LSMEM2: variants seen among roughly 807,000 people sequenced by gnomAD.
LSMEM2 encodes leucine rich single-pass membrane protein 2, also known as leucine-rich single-pass membrane protein 2.
In LSMEM2, 20 loss-of-function variants were observed where a neutral mutation model predicts 17.3. The observed-to-expected ratio is 1.16, with a 90% CI of 0.81 to 1.68. LSMEM2 has a LOEUF of 1.68. Among genes scored for constraint, LSMEM2 ranks in the 40% most tolerant of loss-of-function variants. The probability of loss-of-function intolerance (pLI) is 0.00; values close to 1 mark genes in which losing one functional copy is unlikely to be tolerated. For synonymous variants in LSMEM2, 94 were observed against 97.8 expected (o/e 0.96, Z 0.23); for missense variants, 207 against 214.3 (o/e 0.97, Z 0.21).
At chr3:50,279,036 G>C, upstream of LSMEM2, 2 of 1,506,308 alleles carry the variant, frequency 1.3e-6, no homozygotes, top group Non-Finnish European at 1.8e-6. Flanking sequence ...CCTATTTTAG[G>C]CCAAGGCTGG....
chr3:50,283,576 G>A (rs1273885742), intron 1 of LSMEM2, among the ~76,000 whole-genome samples: 4 of 146,848 alleles, frequency 2.7e-5, no homozygotes, highest in Non-Finnish European at 4.5e-5. Context: ...GCAGTGAGCC[G>A]AGATCGTGCC....
chr3:50,285,568 A>AG (rs1485438206), intron 1 of LSMEM2, among the ~76,000 whole-genome samples: 9 of 152,108 alleles, frequency 5.9e-5, no homozygotes, highest in African/African-American at 2.2e-4. Flanking sequence ...TGAACCCAGG[A>AG]GGTGGAAGGT....
chr3:50,288,112 G>A lies in LSMEM2; in HGVS notation c.*910G>A. On this transcript the variant is annotated 3_prime_UTR_variant, in exon 4 of 4. Transcript: ENST00000316436. ...AAAAAATAAAGTGACAAATACTGGT[G>A]GAGACCAGTTGTTGCACTGTCTTCT... 1 of 1,202,240 alleles carries A rather than the reference G, an allele frequency of 8.3e-7. No individual in the cohort carries two copies. Among genetic ancestry groups the A allele is most frequent in the Admixed American group, 1.9e-5 (1 of 51,606 alleles). The allele number at this position is 1,202,240 out of a possible 1,614,324, so 74.5% of individuals were successfully genotyped here. A position where few individuals can be genotyped will look rare whatever the true frequency, so the allele number is the denominator to read the frequency against.
At chr3:50,281,401 C>T (rs587683609) in intron 1 of LSMEM2, among the ~76,000 whole-genome samples, 2 of 132,946 alleles carry the variant, frequency 1.5e-5, no homozygotes, top group African/African-American at 5.7e-5. Context: ...CTTGCTCTGT[C>T]GCCCCGGGTG....
chr3:50,282,735 A>C (rs1553707926), intron 1 of LSMEM2, among the ~76,000 whole-genome samples: 3 of 152,116 alleles, frequency 2.0e-5, no homozygotes, highest in Non-Finnish European at 4.4e-5. Context: ...AAATGCAAAA[A>C]TTAGCTGGGC....
chr3:50,282,705 T>C (rs1701428827), intron 1 of LSMEM2, among the ~76,000 whole-genome samples: 1 of 150,678 alleles, frequency 6.6e-6, no homozygotes, highest in African/African-American at 2.5e-5. Flanking sequence ...GCCAAAATGG[T>C]GAAACCCCAG....
intron 1 of LSMEM2, among the ~76,000 whole-genome samples, chr3:50,282,339 T>G (rs1472989169): frequency 6.6e-6 from 1 of 152,178 alleles, no homozygotes; most frequent in African/African-American, 2.4e-5. Flanking sequence ...ACATAATGAC[T>G]GGCAGCACTT....
Position 50,287,294 on chromosome 3 carries a change from A to ACAT in LSMEM2, c.*94_*96dup. On this transcript the variant is annotated 3_prime_UTR_variant, in exon 4 of 4. Coordinates refer to ENST00000316436, the MANE Select transcript of LSMEM2 (RefSeq NM_153215.3). The stretch of plus-strand genomic sequence containing the variant: ...CTCTCCTTCCCTACTGCTGGCTGCC[A>ACAT]CATCTACACTATTTCCTTGGTGAGA... 1 of 1,501,076 alleles carries ACAT rather than the reference A, an allele frequency of 6.7e-7. No individual in the cohort carries two copies. The highest frequency in any genetic ancestry group is 9.2e-7 in the Non-Finnish European group (1 of 1,088,534). 93.0% of individuals were successfully genotyped at this position (1,501,076 alleles called of 1,614,324 possible).
Position 50,287,227 on chromosome 3 carries a change from G to A in LSMEM2, c.*25G>A, listed in dbSNP as rs1553708727. Reference sequence around the variant, plus strand: ...AGATGCCATTTGGATCTGGGGCCTGGGGGTGTGTGTTGGTGGGGGAATAAA... The same window carrying A: ...AGATGCCATTTGGATCTGGGGCCTGAGGGTGTGTGTTGGTGGGGGAATAAA... On this transcript the variant is annotated 3_prime_UTR_variant, in exon 4 of 4. Transcript: ENST00000316436. The A allele has an allele frequency of 5.0e-6, 8 of 1,613,456 alleles. No individual in the cohort carries two copies. Among genetic ancestry groups the A allele is most frequent in the Non-Finnish European group, 6.8e-6 (8 of 1,179,738 alleles).
Position 50,287,997 on chromosome 3 carries a change from A to G in LSMEM2, c.*795A>G, listed in dbSNP as rs1345461528. ...CTGAGACAGGACAGGAAGGGGCCAC[A>G]GGGCTGAGTGCAGGGACAAAGGGGT... On this transcript the variant is annotated 3_prime_UTR_variant, in exon 4 of 4. Coordinates refer to ENST00000316436, the MANE Select transcript of LSMEM2 (RefSeq NM_153215.3). 7 of 594,622 alleles carry G rather than the reference A, an allele frequency of 1.2e-5. No homozygotes were observed. Among genetic ancestry groups the G allele is most frequent in the African/African-American group, 1.9e-5 (1 of 53,846 alleles). The allele number at this position is 594,622 out of a possible 1,614,324, so 36.8% of individuals were successfully genotyped here.
Position 50,286,602 on chromosome 3 carries a change from G to A in LSMEM2, c.172+18G>A. 1 of 1,611,398 alleles carries A rather than the reference G, an allele frequency of 6.2e-7. No homozygotes were observed. Among genetic ancestry groups the A allele is most frequent in the Non-Finnish European group, 8.5e-7 (1 of 1,178,532 alleles). The stretch of plus-strand genomic sequence containing the variant: ...TAGTGGAGGTGAGTGGGGACAGTGG[G>A]GTGGATGATGTGCTGGGGGAGGGGA... On this transcript the variant is annotated intron_variant, in intron 2 of 3. Transcript: ENST00000316436.
chr3:50,281,508 G>A (rs1279189104), intron 1 of LSMEM2, among the ~76,000 whole-genome samples: 5 of 151,508 alleles, frequency 3.3e-5, no homozygotes, highest in African/African-American at 7.3e-5. Context: ...GACTACAGGC[G>A]CCTGCCACCA....
At position 50,287,187 on chromosome 3, in the gene LSMEM2, C is replaced by A. The variant is rs1559800213; in HGVS notation, c.480C>A (p.Ala160=). ...SQLRRLNSSE[A]QAPS ...TTCGGAGGCTCAACTCCAGTGAGGC[C>A]CAAGCACCCAGCTGAGATGCCATTT... The change falls in exon 4 of 4, where the codon GCC becomes GCA. Residue 160 remains alanine, a synonymous_variant. Transcript: ENST00000316436. 6.2e-7 allele frequency: 1 copy of A among 1,613,914 alleles called. No individual in the cohort carries two copies. Among genetic ancestry groups the A allele is most frequent in the Non-Finnish European group, 8.5e-7 (1 of 1,180,006 alleles).
intron 1 of LSMEM2, among the ~76,000 whole-genome samples, chr3:50,283,463 TA>T (rs1212000971): frequency 3.6e-4 from 54 of 151,400 alleles, no homozygotes; most frequent in Middle Eastern, 3.4e-3. Flanking sequence ...CCATCTCTAC[TA>T]AAAATACAAA....
intron 3 of LSMEM2, 51 bp from the exon 4 acceptor site, chr3:50,287,018 G>A (rs1375942053): frequency 2.5e-6 from 4 of 1,608,168 alleles, no homozygotes; most frequent in Non-Finnish European, 3.4e-6. Context: ...TGGGTCTGCA[G>A]GGGTCACGGG....
Position 50,287,293 on chromosome 3 carries a change from C to T in LSMEM2, c.*91C>T. 2 of 1,468,672 alleles carry T rather than the reference C, an allele frequency of 1.4e-6. No homozygotes were observed. Among genetic ancestry groups the T allele is most frequent in the Non-Finnish European group, 1.9e-6 (2 of 1,069,070 alleles). The allele number at this position is 1,468,672 out of a possible 1,614,324, so 91.0% of individuals were successfully genotyped here. A position where few individuals can be genotyped will look rare whatever the true frequency, so the allele number is the denominator to read the frequency against. On this transcript the variant is annotated 3_prime_UTR_variant, in exon 4 of 4. Transcript: ENST00000316436. ...TCTCTCCTTCCCTACTGCTGGCTGC[C>T]ACATCTACACTATTTCCTTGGTGAG... is the stretch of plus-strand genomic sequence containing the variant.
At chr3:50,278,149 A>C (rs1701318341), upstream of LSMEM2, among the ~76,000 whole-genome samples, 1 of 152,148 alleles carries the variant, frequency 6.6e-6, no homozygotes, top group South Asian at 2.1e-4. Flanking sequence ...ACTTTGAGGA[A>C]CATCAGGGAG....
In LSMEM2 at chr3:50,286,501, G is replaced by T. The variant is rs781955522; in HGVS notation, c.89G>T (p.Arg30Met). ...GTGGCGCCAATGATGCCCAGCCAGA[G>T]GAGCAGGGGGCCATTGGCCCCCAAC... ...DSVAPMMPSQ[R>M]SRGPLAPNHV... The change falls in exon 2 of 4, where the codon AGG (arginine) becomes ATG (methionine). Residue 30 changes from arginine (R) to methionine (M), a missense_variant. Transcript: ENST00000316436. 1.2e-6 allele frequency: 2 copies of T among 1,610,120 alleles called. No homozygotes were observed. The highest frequency in any genetic ancestry group is 3.4e-5 in the Admixed American group (2 of 59,502).
rs782427617 is a variant in LSMEM2, at chr3:50,287,149, A to G, written c.442A>G (p.Ser148Gly). The G allele has an allele frequency of 6.2e-7, 1 of 1,614,040 alleles. No homozygotes were observed. The highest frequency in any genetic ancestry group is 1.1e-5 in the South Asian group (1 of 91,090). ...GACACTACTCAAACTCCGCTTGGCC[A>G]GCCTCAGCCAGCTTCGGAGGCTCAA... ...EETLLKLRLA[S>G]LSQLRRLNSS... Residue 148 changes from serine (S) to glycine (G), a missense_variant, in exon 4 of 4, where the codon AGC (serine) becomes GGC (glycine). By Grantham distance (56) the Ser-to-Gly change is moderately conservative (BLOSUM62 0). Coordinates refer to ENST00000316436, the MANE Select transcript of LSMEM2 (RefSeq NM_153215.3).
Sources: gnomAD v4.1 joint callset for allele counts (sites outside exome capture counted in the v4.1 genomes callset) on GRCh38, gnomAD v4.1.1 for gene constraint, MANE v1.5 for transcripts, NCBI Gene and HGNC (gene_info 2026-07-23, HGNC 2026-07-21) for gene names.